The following KSR2 variants were observed in gnomAD, a reference collection of about 807,000 sequenced individuals.
KSR2 encodes the protein kinase suppressor of ras 2.
KSR2 carries 25 observed loss-of-function variants against 107.8 expected under a neutral mutation model. That is an observed-to-expected ratio of 0.23 (90% CI 0.17 to 0.32). The LOEUF (loss-of-function observed/expected upper bound fraction) is 0.32, where lower values mean the gene tolerates loss of function less well. KSR2 is among the 10% of genes least tolerant of loss of function. The pLI is 1.00. For missense variants in KSR2, 887 were observed against 1,268.9 expected (o/e 0.70, Z 4.57); for synonymous variants, 480 against 507.0 (o/e 0.95, Z 0.71).
intron 1 of KSR2, among the ~76,000 whole-genome samples, chr12:117,941,291 GC>G (rs1000692618): frequency 6.6e-6 from 1 of 151,122 alleles, no homozygotes; most frequent in Non-Finnish European, 1.5e-5. Context: ...TTCCTGCCTG[GC>G]CCCCAGAATC....
At chr12:117,846,658 A>G (rs1003725965) in intron 3 of KSR2, among the ~76,000 whole-genome samples, 1 of 152,196 alleles carries the variant, frequency 6.6e-6, no homozygotes, top group Non-Finnish European at 1.5e-5. Flanking sequence ...AGCACTGTCC[A>G]CTAGAATATT....
At chr12:117,546,819 G>C (rs917079504) in intron 9 of KSR2, among the ~76,000 whole-genome samples, 6 of 152,244 alleles carry the variant, frequency 3.9e-5, no homozygotes, top group South Asian at 4.1e-4. Flanking sequence ...TTTTCTAAAT[G>C]CTTCTTCTTT....
At chr12:117,949,996 T>C (rs2137565468) in intron 1 of KSR2, among the ~76,000 whole-genome samples, 1 of 151,762 alleles carries the variant, frequency 6.6e-6, no homozygotes, top group Admixed American at 6.6e-5. Flanking sequence ...TCTTTTGAGA[T>C]AGAGTCTCAC....
At chr12:117,681,130 C>A (rs1353332925) in intron 4 of KSR2, among the ~76,000 whole-genome samples, 1 of 152,096 alleles carries the variant, frequency 6.6e-6, no homozygotes, top group Non-Finnish European at 1.5e-5. Flanking sequence ...ATTAGCCAGG[C>A]ATGGTAGTGC....
At chr12:117,865,028 A>G (rs921922664) in intron 1 of KSR2, among the ~76,000 whole-genome samples, 2 of 152,116 alleles carry the variant, frequency 1.3e-5, no homozygotes, top group African/African-American at 4.8e-5. Flanking sequence ...CATCCTAGAT[A>G]AGGGACCTGG....
chr12:117,837,977 A>T (rs1892302648), intron 3 of KSR2, among the ~76,000 whole-genome samples: 1 of 151,798 alleles, frequency 6.6e-6, no homozygotes, highest in Non-Finnish European at 1.5e-5. Context: ...TCTGAATCCC[A>T]TCAGGATGGT....
At chr12:117,604,131 G>A (rs1002570199) in intron 5 of KSR2, among the ~76,000 whole-genome samples, 2 of 152,256 alleles carry the variant, frequency 1.3e-5, no homozygotes, top group South Asian at 2.1e-4. Flanking sequence ...AGGGGCATGC[G>A]GCTCAGCTGC....
intron 10 of KSR2, among the ~76,000 whole-genome samples, chr12:117,536,582 G>A (rs1876070975): frequency 6.6e-6 from 1 of 152,100 alleles, no homozygotes; most frequent in African/African-American, 2.4e-5. Context: ...CTGGTACACA[G>A]ACATATATAT....
chr12:117,756,671 T>G (rs1401040688), intron 4 of KSR2, among the ~76,000 whole-genome samples: 1 of 152,232 alleles, frequency 6.6e-6, no homozygotes, highest in Non-Finnish European at 1.5e-5. Context: ...ATTTTATCTT[T>G]CAAGTCTTAT....
At chr12:117,855,854 T>C (rs945261679) in intron 2 of KSR2, among the ~76,000 whole-genome samples, 5 of 152,178 alleles carry the variant, frequency 3.3e-5, no homozygotes, top group African/African-American at 1.2e-4. Flanking sequence ...TTATAATTAC[T>C]ACCCTGTCTG....
rs1173065489 is a variant in KSR2 at position 117,466,983 on chromosome 12, C to T, written c.*216G>A. The T allele has an allele frequency of 4.3e-6, 2 of 463,302 alleles. No individual in the cohort carries two copies. The highest frequency in any genetic ancestry group is 7.6e-6 in the Non-Finnish European group (2 of 263,690). 28.7% of individuals were successfully genotyped at this position (463,302 alleles called of 1,614,324 possible). ...ACGCATCACCCTGGCTGGTCCGGTT[C>T]AGTCCTAGCTCGGGGGTCCCCAACC... On this transcript the variant is annotated 3_prime_UTR_variant, in exon 20 of 20. Transcript: ENST00000339824.
At chr12:117,786,093 G>A (rs1396269324) in intron 3 of KSR2, among the ~76,000 whole-genome samples, 2 of 151,962 alleles carry the variant, frequency 1.3e-5, no homozygotes, top group African/African-American at 4.8e-5. Context: ...ATGCATTATA[G>A]ATAAAAGGAC....
chr12:117,508,708 G>A (rs769664884), intron 14 of KSR2, among the ~76,000 whole-genome samples: 28 of 151,908 alleles, frequency 1.8e-4, no homozygotes, highest in South Asian at 2.1e-4. Context: ...ATGTTAAACA[G>A]ATGAATGGAT....
chr12:117,961,195 T>C (rs1382573309), intron 1 of KSR2, among the ~76,000 whole-genome samples: 2 of 152,184 alleles, frequency 1.3e-5, no homozygotes, highest in Admixed American at 6.5e-5. Flanking sequence ...CATAAGGGAA[T>C]GCACTGATGA....
At chr12:117,713,815 A>T (rs1226058524) in intron 4 of KSR2, among the ~76,000 whole-genome samples, 3 of 151,576 alleles carry the variant, frequency 2.0e-5, no homozygotes, top group Admixed American at 6.5e-5. Flanking sequence ...TCCCTAAGGG[A>T]TGAGGCGAAA....
In KSR2 at chr12:117,534,873, C is replaced by A. The variant is rs148312823; in HGVS notation, c.1688-3166G>T. Among the ~76,000 whole-genome samples the A allele has an allele frequency of 6.3e-3, 960 of 152,184 alleles. 10 individuals carry two copies. Among genetic ancestry groups the A allele is most frequent in the African/African-American group, 0.022 (915 of 41,516 alleles). On this transcript the variant is annotated intron_variant, in intron 10 of 19. Coordinates refer to ENST00000339824, the MANE Select transcript of KSR2 (RefSeq NM_173598.6). ...GGGGCGACAAGCAAAGTTATGTGGG[C>A]AGCCCCTAGATGCTGGCAAAAGGCA...
At chr12:117,876,735 A>T (rs1459772985) in intron 1 of KSR2, among the ~76,000 whole-genome samples, 1 of 149,170 alleles carries the variant, frequency 6.7e-6, no homozygotes, top group East Asian at 1.9e-4. Flanking sequence ...ATTCATATAT[A>T]ATACATAATA....
At chr12:117,639,174 C>T (rs1477059739) in intron 5 of KSR2, among the ~76,000 whole-genome samples, 2 of 152,108 alleles carry the variant, frequency 1.3e-5, no homozygotes, top group Non-Finnish European at 2.9e-5. Flanking sequence ...AATTTTGCAT[C>T]CAAGGCAAGC....
At chr12:117,566,596 A>G (rs1878510480) in intron 7 of KSR2, among the ~76,000 whole-genome samples, 1 of 152,130 alleles carries the variant, frequency 6.6e-6, no homozygotes, top group Admixed American at 6.6e-5. Flanking sequence ...ATAGTATTCC[A>G]TGTATACCCA....
Sources: gnomAD v4.1 joint callset for allele counts (sites outside exome capture counted in the v4.1 genomes callset) on GRCh38, gnomAD v4.1.1 for gene constraint, MANE v1.5 for transcripts, NCBI Gene and HGNC (gene_info 2026-07-23, HGNC 2026-07-21) for gene names.